The following DNM3 variants were observed in gnomAD, a reference collection of about 807,000 sequenced individuals.
DNM3 encodes dynamin-3.
Under a neutral mutation model 101.6 loss-of-function variants are expected in DNM3, and 47 were observed. The observed-to-expected ratio is 0.46, with a 90% CI of 0.37 to 0.59. The LOEUF is 0.59. Ranked by LOEUF, DNM3 falls within the 20% of genes least tolerant of loss-of-function variation. The pLI is 0.00. For missense variants in DNM3, 849 were observed against 1,085.7 expected, an observed-to-expected ratio of 0.78 and a Z score of 3.06; for synonymous variants, 385 against 387.9, an observed-to-expected ratio of 0.99 and a Z score of 0.09.
intron 4 of DNM3, among the ~76,000 whole-genome samples, chr1:172,027,933 A>G (rs2048330456): frequency 6.6e-6 from 1 of 152,212 alleles, no homozygotes; most frequent in Non-Finnish European, 1.5e-5. Context: ...GCAAGTTCCT[A>G]GAGACCTACA....
At chr1:172,269,126 G>A (rs1287935688) in intron 15 of DNM3, among the ~76,000 whole-genome samples, 1 of 152,180 alleles carries the variant, frequency 6.6e-6, no homozygotes, top group Non-Finnish European at 1.5e-5. Context: ...TGCCAGCAAG[G>A]ATTTTGGTCA....
At chr1:172,314,675 G>A (rs965644621) in intron 16 of DNM3, among the ~76,000 whole-genome samples, 1 of 152,172 alleles carries the variant, frequency 6.6e-6, no homozygotes, top group Non-Finnish European at 1.5e-5. Flanking sequence ...AGGTGGCAGC[G>A]AGGCTGAGGG....
At chr1:172,166,081 G>A (rs1026486226) in intron 14 of DNM3, among the ~76,000 whole-genome samples, 1 of 152,038 alleles carries the variant, frequency 6.6e-6, no homozygotes, top group African/African-American at 2.4e-5. Flanking sequence ...ATACTCAGGG[G>A]TATTGCACCA....
At chr1:172,010,915 A>AT (rs907924793) in intron 4 of DNM3, among the ~76,000 whole-genome samples, 20 of 151,280 alleles carry the variant, frequency 1.3e-4, no homozygotes, top group Non-Finnish European at 2.4e-4. Flanking sequence ...ATTGACAGAT[A>AT]TTTTTTCCCT....
At chr1:172,184,142 G>T (rs886463661) in intron 14 of DNM3, among the ~76,000 whole-genome samples, 8 of 151,916 alleles carry the variant, frequency 5.3e-5, no homozygotes, top group Non-Finnish European at 1.2e-4. Context: ...TAGGTTTATT[G>T]TTGCAATGTT....
intron 1 of DNM3, among the ~76,000 whole-genome samples, chr1:171,876,862 T>C (rs937188131): frequency 6.6e-6 from 1 of 152,252 alleles, no homozygotes; most frequent in Non-Finnish European, 1.5e-5. Flanking sequence ...GGCATTTCTT[T>C]TTATTCTTTT....
At chr1:172,048,525 G>A in intron 9 of DNM3, 87 bp from the exon 10 acceptor site, 1 of 1,411,334 alleles carries the variant, frequency 7.1e-7, no homozygotes, top group Admixed American at 2.7e-5. Flanking sequence ...AATTTAAATG[G>A]AATGTTAATT....
In DNM3 at chr1:172,048,673, T is replaced by A; in HGVS notation, c.1258T>A (p.Leu420Met). Residue 420 changes from leucine to methionine, a missense_variant, in exon 10 of 21, where the codon TTG (leucine) becomes ATG (methionine). Coordinates refer to ENST00000627582, the MANE Select transcript of DNM3 (RefSeq NM_015569.5). ...EAIVKKQIVKLKGPSLKSVDL... is the reference protein window; with the variant it reads ...EAIVKKQIVKMKGPSLKSVDL... ...GATAGTCAAGAAACAGATTGTAAAG[T>A]TGAAAGGGCCTTCCTTGAAGAGTGT... 1 of 1,613,658 alleles carries A rather than the reference T, an allele frequency of 6.2e-7. No homozygotes were observed. The highest frequency in any genetic ancestry group is 1.3e-5 in the African/African-American group (1 of 75,040).
chr1:171,956,005 A>G (rs1571819139), intron 2 of DNM3, among the ~76,000 whole-genome samples: 1 of 152,288 alleles, frequency 6.6e-6, no homozygotes, highest in East Asian at 1.9e-4. Context: ...TAATTCAATT[A>G]TCTCCCACCA....
chr1:171,935,403 C>A (rs1206777423), intron 2 of DNM3, among the ~76,000 whole-genome samples: 1 of 152,090 alleles, frequency 6.6e-6, no homozygotes, highest in Admixed American at 6.5e-5. Flanking sequence ...ATCATGGCTT[C>A]TTTTTTATTA....
intron 17 of DNM3, among the ~76,000 whole-genome samples, chr1:172,334,177 A>G (rs544556841): frequency 6.6e-6 from 1 of 152,302 alleles, no homozygotes; most frequent in Admixed American, 6.5e-5. Flanking sequence ...CAACAAACCC[A>G]TCATAAATAG....
chr1:172,164,232 C>CTTTTT (rs3980440), intron 14 of DNM3, among the ~76,000 whole-genome samples: 62 of 126,596 alleles, frequency 4.9e-4, no homozygotes, highest in Middle Eastern at 4.1e-3. Flanking sequence ...CTTTTCTTTT[C>CTTTTT]TTTTTTTTTT....
intron 17 of DNM3, among the ~76,000 whole-genome samples, chr1:172,362,486 GT>G (rs1191476864): frequency 4.6e-5 from 3 of 65,492 alleles, no homozygotes; most frequent in African/African-American, 8.8e-5. Context: ...GGCATGAAAG[GT>G]GAATTTTTCG....
chr1:172,207,041 T>A (rs148708832), intron 14 of DNM3, among the ~76,000 whole-genome samples: 20 of 152,174 alleles, frequency 1.3e-4, no homozygotes, highest in African/African-American at 4.6e-4. Flanking sequence ...TCAGGATTTC[T>A]TAAGGAGCAG....
chr1:172,364,480 G>A (rs2067905544), intron 17 of DNM3, among the ~76,000 whole-genome samples: 1 of 151,816 alleles, frequency 6.6e-6, no homozygotes, highest in Non-Finnish European at 1.5e-5. Flanking sequence ...TGCAGGGGAT[G>A]CAATCAGCCA....
intron 1 of DNM3, among the ~76,000 whole-genome samples, chr1:171,893,415 G>A (rs2037472025): frequency 6.6e-6 from 1 of 151,260 alleles, no homozygotes; most frequent in African/African-American, 2.4e-5. Context: ...GTAAGGTTTT[G>A]AAATAGTCCA....
At chr1:172,158,317 C>T (rs1392980279) in intron 14 of DNM3, among the ~76,000 whole-genome samples, 1 of 151,718 alleles carries the variant, frequency 6.6e-6, no homozygotes, top group Non-Finnish European at 1.5e-5. Context: ...CAATGATGGG[C>T]ATGGAGAGGG....
At chr1:172,089,798 T>C (rs1441325910) in intron 12 of DNM3, among the ~76,000 whole-genome samples, 1 of 152,200 alleles carries the variant, frequency 6.6e-6, no homozygotes, top group African/African-American at 2.4e-5. Context: ...CAATGGACAT[T>C]GTCTTTATCT....
intron 20 of DNM3, among the ~76,000 whole-genome samples, chr1:172,397,791 C>G (rs1428281552): frequency 6.6e-6 from 1 of 151,592 alleles, no homozygotes; most frequent in Non-Finnish European, 1.5e-5. Flanking sequence ...AACTTAGGAC[C>G]TTTTTGCCAT....
Sources: gnomAD v4.1 joint callset for allele counts (sites outside exome capture counted in the v4.1 genomes callset) on GRCh38, gnomAD v4.1.1 for gene constraint, MANE v1.5 for transcripts, NCBI Gene and HGNC (gene_info 2026-07-23, HGNC 2026-07-21) for gene names.